The following LONRF2 variants were observed in gnomAD, a reference collection of about 807,000 sequenced individuals.
LONRF2 encodes LON peptidase N-terminal domain and RING finger protein 2.
In LONRF2, 35 loss-of-function variants were observed where a neutral mutation model predicts 66.6. The observed-to-expected ratio is 0.53, with a 90% CI of 0.40 to 0.70. The LOEUF is 0.70. Among genes scored for constraint, LONRF2 ranks in the 30% least tolerant of loss-of-function variants. The pLI is 0.00. For synonymous variants in LONRF2, 417 were observed against 418.1 expected (o/e 1.00, Z 0.03); for missense variants, 902 against 1,002.1 (o/e 0.90, Z 1.35).
At position 100,275,980 on chromosome 2, in the gene LONRF2, T is replaced by C. The variant is rs901060084; in HGVS notation, c.*8318A>G. 1 of 152,164 alleles carries C rather than the reference T, an allele frequency of 6.6e-6. No homozygotes were observed. Among genetic ancestry groups the C allele is most frequent in the African/African-American group, 2.4e-5 (1 of 41,408 alleles). 9.4% of individuals were successfully genotyped at this position (152,164 alleles called of 1,614,324 possible). On this transcript the variant is annotated 3_prime_UTR_variant, in exon 12 of 12. Coordinates refer to ENST00000393437, the MANE Select transcript of LONRF2 (RefSeq NM_198461.4). ...GATAGGCTATTTTAACGCAAATATA[T>C]AATAAATTGTACATGTATATGTACA...
intron 9 of LONRF2, 42 bp from the exon 10 acceptor site, chr2:100,290,462 G>A: frequency 1.3e-6 from 2 of 1,563,138 alleles, no homozygotes; most frequent in African/African-American, 1.4e-5. Context: ...TTTTTAAAAT[G>A]CAGGGGGCCT....
intron 4 of LONRF2, among the ~76,000 whole-genome samples, chr2:100,300,161 GTCTGTCTA>G (rs760897463): frequency 1.6e-4 from 25 of 151,788 alleles, no homozygotes; most frequent in Admixed American, 3.9e-4. Context: ...CAATCTGTCT[GTCTGTCTA>G]TCTATCTACA....
Position 100,287,034 on chromosome 2 carries a change from G to C in LONRF2, c.1950C>G (p.Ala650=). The change falls in exon 11 of 12, where the codon GCC becomes GCG. Residue 650 remains alanine (A), a synonymous_variant. Coordinates refer to ENST00000393437, the MANE Select transcript of LONRF2 (RefSeq NM_198461.4). ...KVEGPEYEEL[A]ALHDSVHQQS... ...GTTGATGCACAGAATCGTGGAGAGC[G>C]GCAAGTTCTTCATACTCTGGACCCT... 1.9e-6 allele frequency: 3 copies of C among 1,613,978 alleles called. No homozygotes were observed. The highest frequency in any genetic ancestry group is 1.7e-4 in the Middle Eastern group (1 of 6,060).
intron 3 of LONRF2, among the ~76,000 whole-genome samples, chr2:100,301,123 G>T (rs917173252): frequency 6.6e-6 from 1 of 152,154 alleles, no homozygotes; most frequent in Non-Finnish European, 1.5e-5. Flanking sequence ...GTTGCTGGGG[G>T]CCTTGAATTA....
intron 2 of LONRF2, among the ~76,000 whole-genome samples, chr2:100,303,861 T>C (rs918223451): frequency 6.6e-6 from 1 of 152,230 alleles, no homozygotes. Flanking sequence ...CCCACTAAAT[T>C]TGGAAACTTT....
intron 1 of LONRF2, among the ~76,000 whole-genome samples, chr2:100,316,981 T>C (rs894039997): frequency 1.3e-5 from 2 of 152,220 alleles, no homozygotes; most frequent in Non-Finnish European, 2.9e-5. Context: ...CTTTATCTGA[T>C]AGTCACTTTG....
chr2:100,290,857 T>C (rs762660075), intron 9 of LONRF2, among the ~76,000 whole-genome samples: 3 of 152,210 alleles, frequency 2.0e-5, no homozygotes, highest in Non-Finnish European at 4.4e-5. Context: ...CTTATCCTAG[T>C]GATATTCTCA....
At chr2:100,299,348 A>G (rs1386348549) in intron 5 of LONRF2, 29 bp from the exon 6 acceptor site, 12 of 1,352,584 alleles carry the variant, frequency 8.9e-6, no homozygotes, top group Non-Finnish European at 1.1e-5. Flanking sequence ...AAAACGCTGT[A>G]ATTAACACCT....
intron 7 of LONRF2, among the ~76,000 whole-genome samples, chr2:100,297,097 AG>A (rs960299175): frequency 1.3e-4 from 20 of 151,836 alleles, no homozygotes; most frequent in Admixed American, 9.8e-4. Flanking sequence ...AACAGGTCAT[AG>A]GAAGTCTCAG....
chr2:100,295,952 C>G (rs953815425), intron 7 of LONRF2, among the ~76,000 whole-genome samples: 1 of 152,170 alleles, frequency 6.6e-6, no homozygotes, highest in Non-Finnish European at 1.5e-5. Context: ...TGTTTTGAGT[C>G]TAAGACTTAA....
In LONRF2 at chr2:100,321,291, G is replaced by A. The variant is rs913147727; in HGVS notation, c.679+124C>T. 3 of 860,364 alleles carry A rather than the reference G, an allele frequency of 3.5e-6. No homozygotes were observed. The East Asian group carries it at 1.0e-4, about 29-fold the overall frequency. 53.3% of individuals were successfully genotyped at this position (860,364 alleles called of 1,614,324 possible). On this transcript the variant is annotated intron_variant, in intron 1 of 11. Transcript: ENST00000393437. ...CACCTTCCCATCCTTAGGAAGCAAA[G>A]TGACCCCTAAGCCTAGACAAAGCTC... is the stretch of plus-strand genomic sequence containing the variant.
At chr2:100,306,682 G>A (rs1344671830) in intron 2 of LONRF2, among the ~76,000 whole-genome samples, 2 of 152,098 alleles carry the variant, frequency 1.3e-5, no homozygotes, top group Non-Finnish European at 2.9e-5. Flanking sequence ...ACACACTGCT[G>A]TAACCCACCT....
In LONRF2 at chr2:100,276,207, T is replaced by C. The variant is rs1031769470; in HGVS notation, c.*8091A>G. On this transcript the variant is annotated 3_prime_UTR_variant, in exon 12 of 12. Coordinates refer to ENST00000393437, the MANE Select transcript of LONRF2 (RefSeq NM_198461.4). ...GTTCTAAATTAATTGTAACATTTGC[T>C]AAAATGTACCCATTGACAAAGCTTC... 10 of 152,244 alleles carry C rather than the reference T, an allele frequency of 6.6e-5. No homozygotes were observed. Among genetic ancestry groups the C allele is most frequent in the African/African-American group, 2.4e-4 (10 of 41,456 alleles). The allele number at this position is 152,244 out of a possible 1,614,324, so 9.4% of individuals were successfully genotyped here. A position where few individuals can be genotyped will look rare whatever the true frequency, so the allele number is the denominator to read the frequency against.
rs1297052842 is a variant in LONRF2 at position 100,283,515 on chromosome 2, T to G, written c.*783A>C. ...CTACTTTCAAAGCATTCTTTGCACT[T>G]GGTGGTTTTATGTTTGACATCCCAA... is the stretch of plus-strand genomic sequence containing the variant. On this transcript the variant is annotated 3_prime_UTR_variant, in exon 12 of 12. Transcript: ENST00000393437. The G allele has an allele frequency of 1.3e-5, 2 of 152,188 alleles. No homozygotes were observed. Among genetic ancestry groups the G allele is most frequent in the African/African-American group, 2.4e-5 (1 of 41,448 alleles). The allele number at this position is 152,188 out of a possible 1,614,324, so 9.4% of individuals were successfully genotyped here.
intron 9 of LONRF2, among the ~76,000 whole-genome samples, chr2:100,291,655 C>G (rs937224805): frequency 5.3e-5 from 8 of 152,258 alleles, no homozygotes; most frequent in African/African-American, 1.9e-4. Context: ...CCCTAAGGCA[C>G]GGCCCTGCAG....
chr2:100,305,543 G>A (rs1675274173), intron 2 of LONRF2, among the ~76,000 whole-genome samples: 1 of 152,112 alleles, frequency 6.6e-6, no homozygotes, highest in South Asian at 2.1e-4. Flanking sequence ...CTGTGCTGAT[G>A]GTGCCCAGGT....
rs995837244 is a variant in LONRF2 at position 100,272,885 on chromosome 2, C to G, written c.*11413G>C. Among the ~76,000 whole-genome samples the G allele has an allele frequency of 1.3e-5, 2 of 151,696 alleles. No individual in the cohort carries two copies. The highest frequency in any genetic ancestry group is 4.8e-5 in the African/African-American group (2 of 41,308). ...TGGCAGCCCTCTTTCCTTTTTTTTC[C>G]TACTAAAATTAAATTGGAATCGTTC... On this transcript the variant is annotated 3_prime_UTR_variant, in exon 12 of 12. Transcript: ENST00000393437.
At chr2:100,321,331 C>T in intron 1 of LONRF2, 84 bp downstream of exon 1, 3 of 1,204,040 alleles carry the variant, frequency 2.5e-6, no homozygotes, top group Non-Finnish European at 3.2e-6. Flanking sequence ...AAGCCCAAAG[C>T]CTCGGGCCCA....
chr2:100,302,122 G>GTC (rs1262017148), intron 3 of LONRF2, among the ~76,000 whole-genome samples: 2 of 152,194 alleles, frequency 1.3e-5, no homozygotes, highest in Non-Finnish European at 2.9e-5. Flanking sequence ...AACTGTGGCT[G>GTC]TCAAATGTAG....
Sources: allele counts gnomAD v4.1 joint callset (sites outside exome capture counted in the v4.1 genomes callset), GRCh38; gene constraint gnomAD v4.1.1; transcripts MANE v1.5; gene names NCBI Gene and HGNC (gene_info 2026-07-23, HGNC 2026-07-21).